Variants in CDK6 observed in about 807,000 individuals in gnomAD.
CDK6 encodes cyclin dependent kinase 6, also known as cyclin-dependent kinase 6.
Under a neutral mutation model 37.1 loss-of-function variants are expected in CDK6, and 6 were observed. The observed-to-expected ratio is 0.16, with a 90% confidence interval of 0.09 to 0.32. The LOEUF is 0.32. Ranked by LOEUF, CDK6 falls within the 10% of genes least tolerant of loss-of-function variation. CDK6 has a pLI of 1.00. For synonymous variants in CDK6, 160 were observed against 161.3 expected, an observed-to-expected ratio of 0.99 and a Z score of 0.06; for missense variants, 224 against 418.9, an observed-to-expected ratio of 0.53 and a Z score of 4.06.
chr7:92,662,907 G>T (rs1332592844), intron 5 of CDK6, among the ~76,000 whole-genome samples: 3 of 152,174 alleles, frequency 2.0e-5, no homozygotes, highest in Non-Finnish European at 4.4e-5. Flanking sequence ...TTCTTGAGGG[G>T]ATAGAGCACC....
rs550760439 is a variant in CDK6, at chr7:92,639,010, C to T, written c.648-15924G>A. Among the ~76,000 whole-genome samples, 2 of 152,282 alleles carry T rather than the reference C, an allele frequency of 1.3e-5. 1 individual carries two copies. The highest frequency in any genetic ancestry group is 4.1e-4 in the South Asian group (2 of 4,824). ...GTTGGGGGGTGATGAAATGCTTCAG[C>T]TACACTGTGTTCAGATTCTCCTGAT... On this transcript the variant is annotated intron_variant, in intron 5 of 7. Transcript: ENST00000424848.
At chr7:92,668,584 C>A (rs1797009059) in intron 5 of CDK6, among the ~76,000 whole-genome samples, 1 of 152,156 alleles carries the variant, frequency 6.6e-6, no homozygotes, top group Non-Finnish European at 1.5e-5. Context: ...CACAGTGAGA[C>A]CCCCATCTCT....
intron 4 of CDK6, among the ~76,000 whole-genome samples, chr7:92,706,361 C>A (rs1004500575): frequency 1.3e-5 from 2 of 152,192 alleles, no homozygotes; most frequent in African/African-American, 2.4e-5. Context: ...GTGTTTGTAC[C>A]ACTGCATTCC....
chr7:92,652,996 C>T (rs1475535380), intron 5 of CDK6, among the ~76,000 whole-genome samples: 2 of 152,162 alleles, frequency 1.3e-5, no homozygotes, highest in East Asian at 1.9e-4. Flanking sequence ...GACTTAGCCC[C>T]CAACAAAGTT....
chr7:92,635,747 G>C (rs1170279633), intron 5 of CDK6, among the ~76,000 whole-genome samples: 1 of 151,870 alleles, frequency 6.6e-6, no homozygotes, highest in Non-Finnish European at 1.5e-5. Context: ...CCTATCTTTG[G>C]CCCAAATCTC....
chr7:92,685,776 C>T (rs563302060), intron 4 of CDK6, among the ~76,000 whole-genome samples: 121 of 152,304 alleles, frequency 7.9e-4, no homozygotes, highest in Admixed American at 3.3e-3. Flanking sequence ...CTTAAATCAG[C>T]ATGACAATGA....
At chr7:92,701,256 G>C (rs1797834597) in intron 4 of CDK6, among the ~76,000 whole-genome samples, 1 of 152,200 alleles carries the variant, frequency 6.6e-6, no homozygotes, top group South Asian at 2.1e-4. Context: ...AAGTGAAGAT[G>C]AGCACAGAAA....
At chr7:92,670,095 G>T (rs183399096) in intron 5 of CDK6, among the ~76,000 whole-genome samples, 1 of 152,202 alleles carries the variant, frequency 6.6e-6, no homozygotes, top group African/African-American at 2.4e-5. Context: ...AATAGAACTT[G>T]CAAGCTTCCT....
chr7:92,775,850 A>T (rs1169245184), intron 2 of CDK6, among the ~76,000 whole-genome samples: 3 of 152,232 alleles, frequency 2.0e-5, no homozygotes, highest in African/African-American at 7.2e-5. Context: ...ATAAATGTGC[A>T]TAGAGTCCAA....
intron 1 of CDK6, among the ~76,000 whole-genome samples, chr7:92,836,112 G>A (rs1267560586): frequency 1.3e-5 from 2 of 152,046 alleles, no homozygotes; most frequent in Non-Finnish European, 2.9e-5. Context: ...TATTATGTGA[G>A]TGTCCGAGTA....
At chr7:92,688,216 T>G (rs577505918) in intron 4 of CDK6, among the ~76,000 whole-genome samples, 1 of 152,164 alleles carries the variant, frequency 6.6e-6, no homozygotes, top group Admixed American at 6.5e-5. Context: ...CCACCAGAAA[T>G]GTATGAGAGT....
At chr7:92,747,086 G>A (rs901198769) in intron 3 of CDK6, among the ~76,000 whole-genome samples, 5 of 152,136 alleles carry the variant, frequency 3.3e-5, no homozygotes, top group African/African-American at 9.7e-5. Flanking sequence ...GCAGTGCCCT[G>A]AGATATACCT....
Position 92,612,842 on chromosome 7 carries a change from T to C in CDK6, c.*2298A>G, listed in dbSNP as rs1585335024. 2 of 233,014 alleles carry C rather than the reference T, an allele frequency of 8.6e-6. No individual in the cohort carries two copies. Among genetic ancestry groups the C allele is most frequent in the Non-Finnish European group, 1.7e-5 (2 of 117,966 alleles). 14.4% of individuals were successfully genotyped at this position (233,014 alleles called of 1,614,324 possible). ...CTATGTTCACTCTAGCCATGAATAC[T>C]AACCAAAAAGCTCAGATGAATCAGT... On this transcript the variant is annotated 3_prime_UTR_variant, in exon 8 of 8. Coordinates refer to ENST00000424848, the MANE Select transcript of CDK6 (RefSeq NM_001145306.2).
At chr7:92,735,120 A>G (rs1798753826) in intron 3 of CDK6, among the ~76,000 whole-genome samples, 1 of 152,172 alleles carries the variant, frequency 6.6e-6, no homozygotes, top group Admixed American at 6.5e-5. Context: ...TTAATTTCAT[A>G]TGATCATATC....
intron 4 of CDK6, among the ~76,000 whole-genome samples, chr7:92,709,156 C>T (rs1021678483): frequency 5.3e-5 from 8 of 152,126 alleles, no homozygotes; most frequent in African/African-American, 1.7e-4. Context: ...ACAGCCTCCA[C>T]GCTGGTTTCC....
At chr7:92,755,038 G>A (rs901405821) in intron 3 of CDK6, among the ~76,000 whole-genome samples, 1 of 152,062 alleles carries the variant, frequency 6.6e-6, no homozygotes, top group African/African-American at 2.4e-5. Context: ...ATCCCCCAAA[G>A]GACAAAACCT....
intron 4 of CDK6, chr7:92,710,790 A>G: frequency 4.1e-6 from 4 of 985,408 alleles, no homozygotes; most frequent in Non-Finnish European, 4.8e-6. Flanking sequence ...GGAAAAGCAG[A>G]GATGAGGGCT....
chr7:92,831,932 A>C (rs2116025581), intron 2 of CDK6, among the ~76,000 whole-genome samples: 1 of 152,294 alleles, frequency 6.6e-6, no homozygotes. Context: ...ACTAATGTTA[A>C]ATTGTTTGAC....
At chr7:92,791,964 C>T (rs1800293626) in intron 2 of CDK6, among the ~76,000 whole-genome samples, 1 of 152,090 alleles carries the variant, frequency 6.6e-6, no homozygotes, top group African/African-American at 2.4e-5. Flanking sequence ...TGGAAATTAT[C>T]TTATGGGCAC....
Sources: allele counts gnomAD v4.1 joint callset (sites outside exome capture counted in the v4.1 genomes callset), GRCh38; gene constraint gnomAD v4.1.1; transcripts MANE v1.5; gene names NCBI Gene and HGNC (gene_info 2026-07-23, HGNC 2026-07-21).